Variants in LARP1B observed in about 807,000 individuals in gnomAD.
LARP1B encodes the protein la-related protein 1B.
Under a neutral mutation model 114.2 loss-of-function variants are expected in LARP1B, and 76 were observed. The observed-to-expected ratio is 0.67, with a 90% CI of 0.55 to 0.81. The LOEUF (loss-of-function observed/expected upper bound fraction) is 0.81, where lower values mean the gene tolerates loss of function less well. Among genes scored for constraint, LARP1B ranks in the 30% least tolerant of loss-of-function variants. LARP1B has a pLI of 0.00. For synonymous variants in LARP1B, 345 were observed against 348.0 expected (o/e 0.99, Z 0.10); for missense variants, 1,014 against 1,075.8 (o/e 0.94, Z 0.80).
At chr4:128,216,504 T>C (rs1173956112), downstream of LARP1B, among the ~76,000 whole-genome samples, 1 of 146,314 alleles carries the variant, frequency 6.8e-6, no homozygotes, top group African/African-American at 2.5e-5. Flanking sequence ...TCAAAGCTGC[T>C]CAACTACTTG....
chr4:128,214,299 C>T (rs1050440968), downstream of LARP1B, among the ~76,000 whole-genome samples: 3 of 148,522 alleles, frequency 2.0e-5, no homozygotes, highest in East Asian at 2.0e-4. Context: ...GTGGAGCCCA[C>T]CACAGCTCAA....
chr4:128,101,502 C>T (rs2149727531), intron 8 of LARP1B, among the ~76,000 whole-genome samples: 1 of 149,354 alleles, frequency 6.7e-6, no homozygotes, highest in Non-Finnish European at 1.5e-5. Flanking sequence ...GTCATTATTG[C>T]ATTTGTTTAT....
At chr4:128,108,594 A>G in intron 9 of LARP1B, 1 of 985,516 alleles carries the variant, frequency 1.0e-6, no homozygotes, top group South Asian at 4.7e-5. Flanking sequence ...TTCTAATCCC[A>G]GTAAGCAACT....
At chr4:128,179,357 A>G (rs771581604) in intron 14 of LARP1B, 49 bp from the exon 15 acceptor site, 5 of 1,144,140 alleles carry the variant, frequency 4.4e-6, no homozygotes, top group Non-Finnish European at 6.3e-6. Context: ...TTACTTGTGA[A>G]GTTCACACTA....
At chr4:128,073,589 T>TTTG (rs1766493670) in intron 1 of LARP1B, among the ~76,000 whole-genome samples, 9 of 38,396 alleles carry the variant, frequency 2.3e-4, no homozygotes, top group Non-Finnish European at 3.2e-4. Flanking sequence ...TTTTTTTTTT[T>TTTG]TTTTTTTTTT....
chr4:128,179,395 ATTTTC>A lies in LARP1B; in HGVS notation c.1897-7_1897-3del. 1 of 1,559,334 alleles carries A rather than the reference ATTTTC, an allele frequency of 6.4e-7. No individual in the cohort carries two copies. Among genetic ancestry groups the A allele is most frequent in the South Asian group, 1.2e-5 (1 of 84,902 alleles). On this transcript the variant is annotated splice_polypyrimidine_tract_variant and splice_region_variant and intron_variant, in intron 14 of 19. Coordinates refer to ENST00000326639, the MANE Select transcript of LARP1B (RefSeq NM_018078.4). ...GAAACTAATTGCAATGCTTGACTTT[ATTTTC>A]TTTAGAGTCCAAGAAAGAGAAAAAC...
chr4:128,172,835 T>G (rs1451668020), intron 12 of LARP1B, among the ~76,000 whole-genome samples: 1 of 152,154 alleles, frequency 6.6e-6, no homozygotes, highest in Non-Finnish European at 1.5e-5. Context: ...GTTGTTGTTG[T>G]TTTTCAGTCC....
At chr4:128,124,310 A>G (rs1182361231) in intron 11 of LARP1B, among the ~76,000 whole-genome samples, 1 of 152,156 alleles carries the variant, frequency 6.6e-6, no homozygotes, top group Admixed American at 6.5e-5. Context: ...GTAGTCAGGG[A>G]AGGCCTCTGA....
At chr4:128,111,948 C>T (rs1192359937) in intron 9 of LARP1B, among the ~76,000 whole-genome samples, 3 of 151,836 alleles carry the variant, frequency 2.0e-5, no homozygotes, top group Non-Finnish European at 4.4e-5. Context: ...CCTCGGCCTC[C>T]CAAAGTGCTG....
chr4:128,173,875 C>A (rs925976546), intron 12 of LARP1B, among the ~76,000 whole-genome samples: 1 of 152,214 alleles, frequency 6.6e-6, no homozygotes, highest in African/African-American at 2.4e-5. Flanking sequence ...GGTTTTAGAA[C>A]AATTCCATCA....
chr4:128,211,064 G>T lies in LARP1B; in HGVS notation c.*1011G>T. The T allele has an allele frequency of 1.1e-6, 1 of 899,582 alleles. No homozygotes were observed. Among genetic ancestry groups the T allele is most frequent in the Non-Finnish European group, 1.3e-6 (1 of 752,350 alleles). The allele number at this position is 899,582 out of a possible 1,614,324, so 55.7% of individuals were successfully genotyped here. ...AGCAAATTGATTTCTAATTTTTATT[G>T]CTATTACAACTGATGTAAATGGTAG... On this transcript the variant is annotated 3_prime_UTR_variant, in exon 20 of 20. Transcript: ENST00000326639.
At chr4:128,165,187 C>T (rs956146434) in intron 12 of LARP1B, among the ~76,000 whole-genome samples, 1 of 151,654 alleles carries the variant, frequency 6.6e-6, no homozygotes, top group Non-Finnish European at 1.5e-5. Context: ...AAGGTCTGCA[C>T]ATGTGTTTGC....
chr4:128,166,542 A>G (rs970447544), intron 12 of LARP1B, among the ~76,000 whole-genome samples: 1 of 151,964 alleles, frequency 6.6e-6, no homozygotes, highest in African/African-American at 2.4e-5. Flanking sequence ...TAAGCAAATG[A>G]ACATATTCAT....
In LARP1B at chr4:128,221,762, G is replaced by A. The variant is rs117335214; in HGVS notation, n.935-587G>A. 1.4e-4 allele frequency among the ~76,000 whole-genome samples: 22 copies of A among 152,304 alleles called. No homozygotes were observed. The East Asian group carries it at 4.1e-3, about 28-fold the overall frequency. The stretch of plus-strand genomic sequence containing the variant: ...TAATGAGTCAGTGGATGGACTTTAA[G>A]GGAAAGGGTCTGTGAGAGCCAAAAT... On this transcript the variant is annotated intron_variant and non_coding_transcript_variant, in intron 7 of 7. Coordinates refer to the LARP1B transcript ENST00000503725.
intron 7 of LARP1B, among the ~76,000 whole-genome samples, chr4:128,221,671 T>G (rs1428030248): frequency 1.3e-5 from 2 of 152,228 alleles, no homozygotes; most frequent in Non-Finnish European, 2.9e-5. Flanking sequence ...ACTGTAATGC[T>G]TAATGTTAAC....
intron 11 of LARP1B, among the ~76,000 whole-genome samples, chr4:128,143,868 A>G (rs75010839): frequency 0.018 from 2,663 of 151,682 alleles, 64 homozygotes; most frequent in East Asian, 0.1. Flanking sequence ...AACATTTTAC[A>G]TGGTGATGGG....
chr4:128,065,703 T>C (rs1246437303), intron 1 of LARP1B, among the ~76,000 whole-genome samples: 1 of 152,160 alleles, frequency 6.6e-6, no homozygotes, highest in East Asian at 1.9e-4. Context: ...ATGAATAACA[T>C]GGATAGACTC....
chr4:128,193,805 A>G (rs1753090485), intron 15 of LARP1B, among the ~76,000 whole-genome samples: 1 of 151,908 alleles, frequency 6.6e-6, no homozygotes, highest in Non-Finnish European at 1.5e-5. Context: ...TTTGGTAGAG[A>G]CAGGGTTTCA....
chr4:128,220,112 C>T (rs537246414), intron 6 of LARP1B, among the ~76,000 whole-genome samples: 2 of 152,092 alleles, frequency 1.3e-5, no homozygotes, highest in Non-Finnish European at 2.9e-5. Context: ...CTCAAACTCC[C>T]GACCTCAGGT....
Sources: allele counts gnomAD v4.1 joint callset (sites outside exome capture counted in the v4.1 genomes callset), GRCh38; gene constraint gnomAD v4.1.1; transcripts MANE v1.5; gene names NCBI Gene and HGNC (gene_info 2026-07-23, HGNC 2026-07-21).